Variants in RPAIN observed in about 807,000 individuals in gnomAD.
RPAIN encodes the protein RPA-interacting protein.
Under a neutral mutation model 30.5 loss-of-function variants are expected in RPAIN, and 29 were observed. That is an observed-to-expected ratio of 0.95 (90% CI 0.71 to 1.30). The LOEUF (loss-of-function observed/expected upper bound fraction) is 1.30, where lower values mean the gene tolerates loss of function less well. Among genes scored for constraint, RPAIN ranks in the 50% most tolerant of loss-of-function variants. The probability of loss-of-function intolerance (pLI) is 0.00; values close to 1 mark genes in which losing one functional copy is unlikely to be tolerated. For missense variants in RPAIN, 247 were observed against 264.7 expected, an observed-to-expected ratio of 0.93 and a Z score of 0.46; for synonymous variants, 101 against 93.5, an observed-to-expected ratio of 1.08 and a Z score of -0.46.
At chr17:5,421,682 C>A in intron 2 of RPAIN, 1 of 384,056 alleles carries the variant, frequency 2.6e-6, no homozygotes, top group Non-Finnish European at 4.6e-6. Flanking sequence ...CTCATCACTG[C>A]AACATCATCA....
At position 5,422,798 on chromosome 17, in the gene RPAIN, G is replaced by A. The variant is rs369497088; in HGVS notation, c.282G>A (p.Leu94=). The A allele has an allele frequency of 5.0e-6, 8 of 1,613,130 alleles. No individual in the cohort carries two copies. Among genetic ancestry groups the A allele is most frequent in the Middle Eastern group, 1.7e-4 (1 of 5,920 alleles). Residue 94 remains leucine (L), a synonymous_variant, in exon 3 of 7, where the codon CTG becomes CTA. Coordinates refer to ENST00000381209, the MANE Select transcript of RPAIN (RefSeq NM_001033002.4). ...QLEELIDMAV[L]EEIQQELINQ... is the part of the protein sequence containing the mutation. ...AGGAGCTGATAGACATGGCTGTGCTGGAGGAAATTCAACAGGAGCTGATCA... is the reference window on the plus strand; with the variant it reads ...AGGAGCTGATAGACATGGCTGTGCTAGAGGAAATTCAACAGGAGCTGATCA...
At chr17:5,429,718 A>G (rs912714270) in intron 6 of RPAIN, 3 of 985,460 alleles carry the variant, frequency 3.0e-6, no homozygotes, top group Non-Finnish European at 1.2e-6. Flanking sequence ...CAGATGCTCA[A>G]ATATGCAGTG....
In RPAIN at chr17:5,421,212, A is replaced by T. The variant is rs1248981678; in HGVS notation, c.82-84A>T. ...AATTTTGTGTCTATAAACTTTCTTTAATGTTTTCTCAACTAATGTAAGAGT... is the reference window on the plus strand; with the variant it reads ...AATTTTGTGTCTATAAACTTTCTTTTATGTTTTCTCAACTAATGTAAGAGT... On this transcript the variant is annotated intron_variant, in intron 1 of 6. Transcript: ENST00000381209. The T allele has an allele frequency of 5.9e-6, 8 of 1,363,376 alleles. No homozygotes were observed. The East Asian group carries it at 1.7e-4, about 28-fold the overall frequency. The allele number at this position is 1,363,376 out of a possible 1,614,324, so 84.5% of individuals were successfully genotyped here. A position where few individuals can be genotyped will look rare whatever the true frequency, so the allele number is the denominator to read the frequency against.
At chr17:5,428,877 C>A in intron 6 of RPAIN, 1 of 986,354 alleles carries the variant, frequency 1.0e-6, no homozygotes, top group South Asian at 4.7e-5. Flanking sequence ...TAGGAGCACA[C>A]TGTACTTCAG....
At chr17:5,425,541 G>A in intron 3 of RPAIN, 1 of 349,522 alleles carries the variant, frequency 2.9e-6, no homozygotes, top group South Asian at 2.2e-5. Flanking sequence ...TCACCATGTT[G>A]GCCAGGCTGG....
intron 1 of RPAIN, among the ~76,000 whole-genome samples, chr17:5,420,671 G>A (rs1914681893): frequency 6.6e-6 from 1 of 152,004 alleles, no homozygotes; most frequent in Non-Finnish European, 1.5e-5. Flanking sequence ...CTCCACCTCA[G>A]TTCTGGCCTC....
chr17:5,431,200 AAC>A lies in RPAIN; in HGVS notation c.631-1338_631-1337del, dbSNP rs143414746. On this transcript the variant is annotated intron_variant, in intron 6 of 6. Coordinates refer to ENST00000381209, the MANE Select transcript of RPAIN (RefSeq NM_001033002.4). ...GGTGGGGGTCACAGCAAATATGAGA[AAC>A]ACAGCCAGGCACTGTGGTTCACACC... 2.7e-4 allele frequency: 89 copies of A among 327,824 alleles called. 1 individual carries two copies. The highest frequency in any genetic ancestry group is 1.8e-3 in the African/African-American group (84 of 45,744). The allele number at this position is 327,824 out of a possible 1,614,324, so 20.3% of individuals were successfully genotyped here.
At chr17:5,423,663 G>A (rs922407137) in intron 3 of RPAIN, among the ~76,000 whole-genome samples, 1 of 152,194 alleles carries the variant, frequency 6.6e-6, no homozygotes, top group Non-Finnish European at 1.5e-5. Context: ...CCTTGAGGGA[G>A]GTGTCCATAG....
Position 5,420,248 on chromosome 17 carries a change from A to T in RPAIN, c.38A>T (p.Tyr13Phe). ...ESLRSPRRSL[Y>F]KLVGSPPWKE... Reference sequence around the variant, plus strand: ...TTGAGGTCTCCGCGCCGCTCCCTGTACAAACTGGTGGGCTCGCCGCCTTGG... The same window carrying T: ...TTGAGGTCTCCGCGCCGCTCCCTGTTCAAACTGGTGGGCTCGCCGCCTTGG... Residue 13 changes from tyrosine (Y) to phenylalanine (F), a missense_variant, in exon 1 of 7, where the codon TAC becomes TTC. Transcript: ENST00000381209. 6.2e-7 allele frequency: 1 copy of T among 1,613,774 alleles called. No individual in the cohort carries two copies. The highest frequency in any genetic ancestry group is 8.5e-7 in the Non-Finnish European group (1 of 1,179,978).
chr17:5,426,121 C>T (rs919335589), intron 4 of RPAIN, 39 bp downstream of exon 4: 3 of 1,567,756 alleles, frequency 1.9e-6, no homozygotes, highest in Non-Finnish European at 1.8e-6. Context: ...TATTCGTTCC[C>T]ATTCCCCACT....
At chr17:5,426,532 C>T (rs1431674937) in intron 5 of RPAIN, 3 of 489,118 alleles carry the variant, frequency 6.1e-6, no homozygotes, top group South Asian at 3.0e-5. Flanking sequence ...CACCGCTTAA[C>T]GTTTTTATGG....
At chr17:5,426,978 C>T (rs1340246081) in intron 5 of RPAIN, 2 of 152,122 alleles carry the variant, frequency 1.3e-5, no homozygotes, top group Non-Finnish European at 2.9e-5. Flanking sequence ...GCCCTTTTAT[C>T]TGGCATGATG....
intron 6 of RPAIN, chr17:5,430,031 G>T: frequency 6.6e-6 from 1 of 152,380 alleles, no homozygotes; most frequent in Non-Finnish European, 1.5e-5. Context: ...AGCTGGACAT[G>T]GTGGTGGGTG....
Position 5,432,876 on chromosome 17 carries a change from C to A in RPAIN, c.*305C>A. 1 of 1,051,326 alleles carries A rather than the reference C, an allele frequency of 9.5e-7. No homozygotes were observed. The highest frequency in any genetic ancestry group is 1.3e-6 in the Non-Finnish European group (1 of 753,726). 65.1% of individuals were successfully genotyped at this position (1,051,326 alleles called of 1,614,324 possible). A position where few individuals can be genotyped will look rare whatever the true frequency, so the allele number is the denominator to read the frequency against. On this transcript the variant is annotated 3_prime_UTR_variant, in exon 7 of 7. Coordinates refer to ENST00000381209, the MANE Select transcript of RPAIN (RefSeq NM_001033002.4). ...AATGATAATAAATGAGAACACAAAA[C>A]ATATAATTTAAATTTGGTATTTTTT...
In RPAIN at chr17:5,432,707, T is replaced by C; in HGVS notation, c.*136T>C. 1.1e-6 allele frequency: 1 copy of C among 945,036 alleles called. No individual in the cohort carries two copies. The highest frequency in any genetic ancestry group is 1.6e-6 in the Non-Finnish European group (1 of 627,088). 58.5% of individuals were successfully genotyped at this position (945,036 alleles called of 1,614,324 possible). On this transcript the variant is annotated 3_prime_UTR_variant, in exon 7 of 7. Coordinates refer to ENST00000381209, the MANE Select transcript of RPAIN (RefSeq NM_001033002.4). ...AAACAATACTGAAGAAAAAAAAACTTTTCCGACATCTGTTCTTGGTCTTTT... is the reference window on the plus strand; with the variant it reads ...AAACAATACTGAAGAAAAAAAAACTCTTCCGACATCTGTTCTTGGTCTTTT...
At chr17:5,427,007 G>C (rs2151667100) in intron 5 of RPAIN, 1 of 152,294 alleles carries the variant, frequency 6.6e-6, no homozygotes, top group South Asian at 2.1e-4. Context: ...AAGTTTGCCA[G>C]TTAATTGAGC....
chr17:5,423,920 T>C (rs1268904075), intron 3 of RPAIN, among the ~76,000 whole-genome samples: 1 of 140,472 alleles, frequency 7.1e-6, no homozygotes, highest in African/African-American at 2.6e-5. Flanking sequence ...CCCTGGCTAA[T>C]TTTTTTTTAT....
At chr17:5,429,934 G>A (rs1915742626) in intron 6 of RPAIN, 1 of 219,754 alleles carries the variant, frequency 4.6e-6, no homozygotes, top group Non-Finnish European at 7.7e-6. Flanking sequence ...TTGGGAGGCC[G>A]AGGTGGGCAG....
chr17:5,425,040 T>C (rs1050500655), intron 3 of RPAIN: 3 of 259,240 alleles, frequency 1.2e-5, no homozygotes, highest in Non-Finnish European at 2.2e-5. Context: ...GCAAATACTT[T>C]AGACTTCACA....
Sources: allele counts gnomAD v4.1 joint callset (sites outside exome capture counted in the v4.1 genomes callset), GRCh38; gene constraint gnomAD v4.1.1; transcripts MANE v1.5; gene names NCBI Gene and HGNC (gene_info 2026-07-23, HGNC 2026-07-21).